Variants in URI1 observed in about 807,000 individuals in gnomAD.
The protein encoded by URI1 is URI1 prefoldin like chaperone.
Under a neutral mutation model 60.2 loss-of-function variants are expected in URI1, and 39 were observed. The ratio of observed to expected loss-of-function variants is 0.65; its 90% CI spans 0.50 to 0.85. URI1 has a LOEUF of 0.85. URI1 is among the 40% of genes least tolerant of loss of function. The probability of loss-of-function intolerance (pLI) is 0.00; values close to 1 mark genes in which losing one functional copy is unlikely to be tolerated. For synonymous variants in URI1, 251 were observed against 236.8 expected, an observed-to-expected ratio of 1.06 and a Z score of -0.55; for missense variants, 691 against 665.9, an observed-to-expected ratio of 1.04 and a Z score of -0.42.
chr19:29,942,824 C>A (rs1257951663), intron 1 of URI1, among the ~76,000 whole-genome samples, 160 bp downstream of exon 1: 2 of 152,178 alleles, frequency 1.3e-5, no homozygotes, highest in African/African-American at 4.8e-5. Flanking sequence ...TGTCTGCAGC[C>A]CTTTGACTTC....
chr19:29,935,802 T>C (rs2054966551), intron 1 of URI1, among the ~76,000 whole-genome samples: 1 of 151,310 alleles, frequency 6.6e-6, no homozygotes, highest in Non-Finnish European at 1.5e-5. Flanking sequence ...TTTCTTTTTT[T>C]TTGAGATGGA....
rs1029192716 is a variant in URI1, at chr19:29,942,325, G to C, written c.-223G>C. On this transcript the variant is annotated 5_prime_UTR_variant, in exon 1 of 11. Transcript: ENST00000392271. ...GTACCTGGCAGGCGGCCTGCTACTC[G>C]GAGCCCGCTGCGGGGCGGCGGCGGC... is the stretch of plus-strand genomic sequence containing the variant. The C allele has an allele frequency of 9.1e-6, 9 of 985,078 alleles. No individual in the cohort carries two copies. Among genetic ancestry groups the C allele is most frequent in the Non-Finnish European group, 1.1e-5 (9 of 829,722 alleles). 61.0% of individuals were successfully genotyped at this position (985,078 alleles called of 1,614,324 possible).
At chr19:29,954,417 C>T (rs1397745940) in intron 1 of URI1, among the ~76,000 whole-genome samples, 1 of 151,848 alleles carries the variant, frequency 6.6e-6, no homozygotes, top group African/African-American at 2.4e-5. Flanking sequence ...AAAACATTTG[C>T]ATGGTTCAAA....
intron 4 of URI1, among the ~76,000 whole-genome samples, chr19:29,996,378 A>G (rs1388310378): frequency 2.0e-5 from 3 of 151,940 alleles, no homozygotes; most frequent in Non-Finnish European, 4.4e-5. Flanking sequence ...TCCTTTTTAG[A>G]TTGCTCATTG....
chr19:30,010,334 ATTGT>A (rs2056001647), intron 8 of URI1, among the ~76,000 whole-genome samples: 2 of 152,166 alleles, frequency 1.3e-5, no homozygotes, highest in African/African-American at 4.8e-5. Context: ...AAGTGAAATA[ATTGT>A]TTGTGTTTTT....
intron 10 of URI1, among the ~76,000 whole-genome samples, chr19:30,013,849 C>T (rs551279880): frequency 7.9e-5 from 12 of 152,094 alleles, no homozygotes; most frequent in East Asian, 1.9e-4. Flanking sequence ...CTGCTTTTAC[C>T]AGTTGAACTC....
Position 29,985,278 on chromosome 19 carries a change from G to C in URI1, c.208G>C (p.Asp70His). 3.1e-6 allele frequency: 5 copies of C among 1,610,508 alleles called. No homozygotes were observed. Among genetic ancestry groups the C allele is most frequent in the Non-Finnish European group, 3.4e-6 (4 of 1,177,992 alleles). ...ALRERLSTLP[D>H]KLSYNIMVPF... ...TCGAGAAAGACTCAGCACCTTGCCTGATAAATTGTCTTATAATATAATGGT... is the reference window on the plus strand; with the variant it reads ...TCGAGAAAGACTCAGCACCTTGCCTCATAAATTGTCTTATAATATAATGGT... Residue 70 changes from aspartate to histidine, a missense_variant, in exon 3 of 11, where the codon GAT (aspartate) becomes CAT (histidine). Transcript: ENST00000392271.
At chr19:29,969,312 A>G (rs1296525106) in intron 1 of URI1, among the ~76,000 whole-genome samples, 1 of 152,186 alleles carries the variant, frequency 6.6e-6, no homozygotes, top group African/African-American at 2.4e-5. Context: ...GCCGGAACGA[A>G]GTGGAGGGTA....
At position 30,010,483 on chromosome 19, in the gene URI1, T is replaced by A. The variant is rs368968250; in HGVS notation, c.1036-611T>A. On this transcript the variant is annotated intron_variant, in intron 8 of 10. Transcript: ENST00000392271. ...TACTTTTTTCCTGTTTTCATTTAGA[T>A]AAAACAGAAAGAACAAATATTATTT... Among the ~76,000 whole-genome samples, 6 of 152,168 alleles carry A rather than the reference T, an allele frequency of 3.9e-5. No homozygotes were observed. In the East Asian group the frequency reaches 5.8e-4, roughly 15 times the overall value.
chr19:29,935,517 T>A (rs2054961224), intron 1 of URI1, among the ~76,000 whole-genome samples: 1 of 152,162 alleles, frequency 6.6e-6, no homozygotes, highest in Non-Finnish European at 1.5e-5. Context: ...TTTTTTCTCA[T>A]CATGGCTTTG....
Position 30,015,591 on chromosome 19 carries a change from A to G in URI1, c.*522A>G. The G allele has an allele frequency of 6.5e-7, 1 of 1,531,036 alleles. No homozygotes were observed. The highest frequency in any genetic ancestry group is 8.7e-7 in the Non-Finnish European group (1 of 1,143,874). 94.8% of individuals were successfully genotyped at this position (1,531,036 alleles called of 1,614,324 possible). A position where few individuals can be genotyped will look rare whatever the true frequency, so the allele number is the denominator to read the frequency against. ...CTCGCCCCTCTGAATGTCATACTGT[A>G]ATCTTTAAGGAAGAAAGCTACATGA... On this transcript the variant is annotated 3_prime_UTR_variant, in exon 11 of 11. Transcript: ENST00000392271.
chr19:30,013,846 T>TA (rs149910463), intron 10 of URI1, among the ~76,000 whole-genome samples: 343 of 152,282 alleles, frequency 2.3e-3, no homozygotes, highest in African/African-American at 8.1e-3. Context: ...AAGCTGCTTT[T>TA]ACCAGTTGAA....
At chr19:30,006,246 A>T (rs1484602697) in intron 6 of URI1, among the ~76,000 whole-genome samples, 2 of 152,126 alleles carry the variant, frequency 1.3e-5, no homozygotes, top group African/African-American at 4.8e-5. Context: ...ACTTCTGTAA[A>T]GCCAATGGTT....
At chr19:29,982,873 C>A (rs1306308214) in intron 2 of URI1, among the ~76,000 whole-genome samples, 1 of 152,082 alleles carries the variant, frequency 6.6e-6, no homozygotes, top group Non-Finnish European at 1.5e-5. Flanking sequence ...GTGTGTTAGA[C>A]CTTTTATATT....
At chr19:29,995,025 A>G (rs1263270970) in intron 4 of URI1, among the ~76,000 whole-genome samples, 1 of 151,970 alleles carries the variant, frequency 6.6e-6, no homozygotes, top group Non-Finnish European at 1.5e-5. Flanking sequence ...CAGGTGATGC[A>G]TCTGCCTCAG....
intron 7 of URI1, among the ~76,000 whole-genome samples, 192 bp from the exon 8 acceptor site, chr19:30,008,813 T>TGC (rs2055977142): frequency 6.6e-6 from 1 of 152,178 alleles, no homozygotes; most frequent in Admixed American, 6.6e-5. Context: ...AACCTCAATA[T>TGC]ATAGAAGCAG....
chr19:30,013,760 G>T (rs146541706), intron 10 of URI1, among the ~76,000 whole-genome samples: 2 of 152,050 alleles, frequency 1.3e-5, no homozygotes, highest in African/African-American at 4.8e-5. Flanking sequence ...TTTTTCAAAG[G>T]CATTTTAAAT....
intron 6 of URI1, among the ~76,000 whole-genome samples, chr19:30,006,952 C>T (rs1407366918): frequency 1.3e-5 from 2 of 151,998 alleles, no homozygotes; most frequent in Admixed American, 1.3e-4. Flanking sequence ...GATGAGCCGC[C>T]GTTGTTTCCT....
At chr19:29,923,864 A>G in intron 1 of URI1, 1 of 1,129,258 alleles carries the variant, frequency 8.9e-7, no homozygotes, top group Non-Finnish European at 1.3e-6. Context: ...CAAGATACAG[A>G]TGGCGCTGTA....
Sources: gnomAD v4.1 joint callset for allele counts (sites outside exome capture counted in the v4.1 genomes callset) on GRCh38, gnomAD v4.1.1 for gene constraint, MANE v1.5 for transcripts, NCBI Gene and HGNC (gene_info 2026-07-23, HGNC 2026-07-21) for gene names.